INTS12: variants seen among roughly 807,000 people sequenced by gnomAD.
INTS12 encodes the protein integrator complex subunit 12, also known as PHD finger protein 22.
In INTS12, 13 loss-of-function variants were observed where a neutral mutation model predicts 41.6. That is an observed-to-expected ratio of 0.31 (90% confidence interval 0.20 to 0.50). The LOEUF (loss-of-function observed/expected upper bound fraction) is 0.50, where lower values mean the gene tolerates loss of function less well. INTS12 is among the 20% of genes least tolerant of loss of function. INTS12 has a pLI of 0.98. For missense variants in INTS12, 432 were observed against 541.6 expected (o/e 0.80, Z 2.01); for synonymous variants, 199 against 191.4 (o/e 1.04, Z -0.33).
chr4:105,695,479 T>G lies in INTS12; in HGVS notation c.309+37A>C, dbSNP rs574816772. The G allele has an allele frequency of 5.3e-6, 8 of 1,522,218 alleles. No individual in the cohort carries two copies. In the African/African-American group the frequency reaches 5.6e-5, roughly 11 times the overall value. 94.3% of individuals were successfully genotyped at this position (1,522,218 alleles called of 1,614,324 possible). Reference sequence around the variant, plus strand: ...TTCTTTCTGCTTATGGAACAACTAATTTACTTTCTTTTAACAAGATTAAAA... The same window carrying G: ...TTCTTTCTGCTTATGGAACAACTAAGTTACTTTCTTTTAACAAGATTAAAA... On this transcript the variant is annotated intron_variant, in intron 4 of 7. Transcript: ENST00000340139.
Position 105,692,147 on chromosome 4 carries a change from T to C in INTS12, c.498-12A>G. 6.2e-7 allele frequency: 1 copy of C among 1,607,292 alleles called. No homozygotes were observed. The highest frequency in any genetic ancestry group is 1.1e-5 in the South Asian group (1 of 89,738). The stretch of plus-strand genomic sequence containing the variant: ...CCACCATCATTTGCCTAAGAAAACA[T>C]ACCATTAAACATTACACTACTTTTT... On this transcript the variant is annotated splice_polypyrimidine_tract_variant and intron_variant, in intron 5 of 7. Coordinates refer to ENST00000340139, the MANE Select transcript of INTS12 (RefSeq NM_020395.4).
intron 2 of INTS12, 145 bp from the exon 3 acceptor site, chr4:105,700,159 A>T (rs1732012187): frequency 2.1e-6 from 1 of 470,386 alleles, no homozygotes; most frequent in Non-Finnish European, 3.5e-6. Flanking sequence ...ATTACAAATA[A>T]AAGTAAATTT....
At chr4:105,697,763 G>A (rs1469866082) in intron 3 of INTS12, among the ~76,000 whole-genome samples, 1 of 152,068 alleles carries the variant, frequency 6.6e-6, no homozygotes, top group Non-Finnish European at 1.5e-5. Context: ...TTAAAAATGT[G>A]TGGTGGGCAG....
At position 105,682,637 on chromosome 4, in the gene INTS12, A is replaced by T. The variant is rs1197443671; in HGVS notation, c.*96T>A. ...AAGAAACAATAGAAATTTGATTATG[A>T]AGACTTTTATTAAATTACAGTGTAT... On this transcript the variant is annotated 3_prime_UTR_variant, in exon 8 of 8. Transcript: ENST00000340139. 5 of 900,318 alleles carry T rather than the reference A, an allele frequency of 5.6e-6. No homozygotes were observed. The East Asian group carries it at 1.2e-4, about 22-fold the overall frequency. The allele number at this position is 900,318 out of a possible 1,614,324, so 55.8% of individuals were successfully genotyped here.
chr4:105,700,700 A>T (rs1417614125), intron 2 of INTS12, among the ~76,000 whole-genome samples: 1 of 95,708 alleles, frequency 1.0e-5, no homozygotes, highest in Non-Finnish European at 1.9e-5. Flanking sequence ...TATCATATCT[A>T]CTTAAAACAC....
intron 3 of INTS12, among the ~76,000 whole-genome samples, chr4:105,698,288 C>T (rs1731941781): frequency 6.6e-6 from 1 of 152,124 alleles, no homozygotes; most frequent in African/African-American, 2.4e-5. Context: ...TAAGCATTAC[C>T]TCCAGGTGAT....
chr4:105,693,455 A>G lies in INTS12; in HGVS notation c.341T>C (p.Ile114Thr). ...TTTCTCCAATCTAGGTTTCTTTGGA[A>G]TATCAACTCCTTCAGTGATGTCTGA... The part of the protein sequence containing the change: ...MKSDITEGVD[I>T]PKKPRLEKPE... The change falls in exon 5 of 8, where the codon ATT becomes ACT. Residue 114 changes from isoleucine (I) to threonine (T), a missense_variant. Physicochemically the swap from Ile to Thr is moderately conservative, Grantham distance 89. Transcript: ENST00000340139. 1 of 1,613,460 alleles carries G rather than the reference A, an allele frequency of 6.2e-7. No homozygotes were observed. Among genetic ancestry groups the G allele is most frequent in the Non-Finnish European group, 8.5e-7 (1 of 1,179,498 alleles).
At chr4:105,691,297 T>C (rs774224571) in intron 6 of INTS12, among the ~76,000 whole-genome samples, 1 of 152,180 alleles carries the variant, frequency 6.6e-6, no homozygotes, top group South Asian at 2.1e-4. Flanking sequence ...CAATTTCTTG[T>C]TTTCTTTAAA....
Position 105,699,957 on chromosome 4 carries a change from G to A in INTS12, c.49C>T (p.Leu17=), listed in dbSNP as rs972120950. The A allele has an allele frequency of 1.3e-6, 2 of 1,512,374 alleles. No individual in the cohort carries two copies. Among genetic ancestry groups the A allele is most frequent in the South Asian group, 2.6e-5 (2 of 75,564 alleles). The allele number at this position is 1,512,374 out of a possible 1,614,324, so 93.7% of individuals were successfully genotyped here. A position where few individuals can be genotyped will look rare whatever the true frequency, so the allele number is the denominator to read the frequency against. The change falls in exon 3 of 8, where the codon CTA becomes TTA. Residue 17 remains leucine (L), a synonymous_variant. Coordinates refer to ENST00000340139, the MANE Select transcript of INTS12 (RefSeq NM_020395.4). ...LELDPIFLKA[L]GFLHSKSKDS... is the part of the protein sequence containing the mutation. The stretch of plus-strand genomic sequence containing the variant: ...TTACTCTTTGAATGCAAGAAACCTA[G>A]TGCTTTCAAAAAAATGGGATCAAGT...
At chr4:105,692,465 C>G (rs1282896007) in intron 5 of INTS12, among the ~76,000 whole-genome samples, 2 of 115,910 alleles carry the variant, frequency 1.7e-5, no homozygotes, top group Non-Finnish European at 3.3e-5. Context: ...GCCTTGGTGA[C>G]AGAGTAAGAC....
In INTS12 at chr4:105,703,762, C is replaced by T. The variant is rs375086284; in HGVS notation, c.-124G>A. The T allele has an allele frequency of 6.6e-6, 1 of 152,204 alleles. No homozygotes were observed. Among genetic ancestry groups the T allele is most frequent in the African/African-American group, 2.4e-5 (1 of 41,446 alleles). 9.4% of individuals were successfully genotyped at this position (152,204 alleles called of 1,614,324 possible). ...TTTCTGCAAAGATCAGTTATACTTCCTCCATTTTCTTTTAAAATTGCTTCT... is the reference window on the plus strand; with the variant it reads ...TTTCTGCAAAGATCAGTTATACTTCTTCCATTTTCTTTTAAAATTGCTTCT... On this transcript the variant is annotated 5_prime_UTR_variant, in exon 2 of 8. Coordinates refer to ENST00000340139, the MANE Select transcript of INTS12 (RefSeq NM_020395.4).
In INTS12 at chr4:105,686,853, G is replaced by C; in HGVS notation, c.658-15C>G. ...GTTTTTTGAGCCTGCAAAAATCAGT[G>C]GATTAAATCAGATACAAAATCTTAA... On this transcript the variant is annotated splice_polypyrimidine_tract_variant and intron_variant, in intron 6 of 7. Coordinates refer to ENST00000340139, the MANE Select transcript of INTS12 (RefSeq NM_020395.4). 6.2e-7 allele frequency: 1 copy of C among 1,610,432 alleles called. No homozygotes were observed. The highest frequency in any genetic ancestry group is 8.5e-7 in the Non-Finnish European group (1 of 1,177,746).
intron 3 of INTS12, 78 bp downstream of exon 3, chr4:105,699,772 T>G: frequency 1.7e-5 from 16 of 951,954 alleles, no homozygotes; most frequent in South Asian, 3.7e-5. Flanking sequence ...GAGATTGTTT[T>G]GAGATGGTCT....
At chr4:105,701,556 T>C (rs890427839) in intron 2 of INTS12, among the ~76,000 whole-genome samples, 8 of 152,046 alleles carry the variant, frequency 5.3e-5, no homozygotes, top group African/African-American at 1.9e-4. Flanking sequence ...GAGGAAAAAA[T>C]AGCTCCTTAA....
In INTS12 at chr4:105,695,543, C is replaced by T; in HGVS notation, c.282G>A (p.Lys94=). 1.2e-6 allele frequency: 2 copies of T among 1,607,492 alleles called. No homozygotes were observed. The highest frequency in any genetic ancestry group is 1.7e-6 in the Non-Finnish European group (2 of 1,178,296). Residue 94 remains lysine (K), a synonymous_variant, in exon 4 of 8, where the codon AAG becomes AAA. Transcript: ENST00000340139. The part of the protein sequence containing the change: ...GKVLTTEKVK[K]EAEKRPADKM... ...TATCAGCAGGTCTCTTTTCAGCTTCCTTCTTTACCTTTTCAGTTGTGAGGA... is the reference window on the plus strand; with the variant it reads ...TATCAGCAGGTCTCTTTTCAGCTTCTTTCTTTACCTTTTCAGTTGTGAGGA...
At chr4:105,697,759 A>G (rs1041276479) in intron 3 of INTS12, among the ~76,000 whole-genome samples, 6 of 152,114 alleles carry the variant, frequency 3.9e-5, no homozygotes. Flanking sequence ...AAACTTAAAA[A>G]TGTGTGGTGG....
intron 5 of INTS12, 59 bp downstream of exon 5, chr4:105,693,240 G>T: frequency 7.4e-7 from 1 of 1,354,164 alleles, no homozygotes; most frequent in Non-Finnish European, 9.9e-7. Flanking sequence ...TTGAGGAGTG[G>T]AAAGGGTCAT....
intron 3 of INTS12, among the ~76,000 whole-genome samples, chr4:105,696,094 G>T (rs998337338): frequency 6.6e-6 from 1 of 151,978 alleles, no homozygotes; most frequent in Admixed American, 6.5e-5. Context: ...CAAATGATCC[G>T]CCCACCTCGG....
chr4:105,700,351 G>C (rs17036120), intron 2 of INTS12: 8,524 of 158,572 alleles, frequency 0.054, 264 homozygotes, highest in Middle Eastern at 0.13. Context: ...CATAGAACTT[G>C]ATGGGTTTAC....
Sources: gnomAD v4.1 joint callset for allele counts (sites outside exome capture counted in the v4.1 genomes callset) on GRCh38, gnomAD v4.1.1 for gene constraint, MANE v1.5 for transcripts, NCBI Gene and HGNC (gene_info 2026-07-23, HGNC 2026-07-21) for gene names.